Variants in KCNAB1 observed in about 807,000 individuals in gnomAD.
The protein encoded by KCNAB1 is voltage-gated potassium channel subunit beta-1.
Under a neutral mutation model 64.6 loss-of-function variants are expected in KCNAB1, and 35 were observed. That is an observed-to-expected ratio of 0.54 (90% CI 0.41 to 0.72). KCNAB1 has a LOEUF of 0.72. Ranked by LOEUF, KCNAB1 falls within the 30% of genes least tolerant of loss-of-function variation. KCNAB1 has a pLI of 0.00. For missense variants in KCNAB1, 401 were observed against 512.9 expected, an observed-to-expected ratio of 0.78 and a Z score of 2.11; for synonymous variants, 177 against 183.8, an observed-to-expected ratio of 0.96 and a Z score of 0.30.
At chr3:156,311,525 G>T (rs2108007254) in intron 1 of KCNAB1, among the ~76,000 whole-genome samples, 1 of 152,262 alleles carries the variant, frequency 6.6e-6, no homozygotes, top group African/African-American at 2.4e-5. Flanking sequence ...GTGGAGGGAG[G>T]ACTAGTCTGC....
At chr3:156,156,628 A>G (rs559177448) in intron 1 of KCNAB1, among the ~76,000 whole-genome samples, 31 of 152,352 alleles carry the variant, frequency 2.0e-4, no homozygotes, top group Non-Finnish European at 4.0e-4. Flanking sequence ...TAAGCTTCTC[A>G]GCTCAGGCAA....
Position 156,350,126 on chromosome 3 carries a change from C to T in KCNAB1, c.276-71490C>T, listed in dbSNP as rs75531357. Reference sequence around the variant, plus strand: ...TGCTGTTGTTACCTGTGTCCTTTATCATTGTATTCTGAAAATCCATAATGA... The same window carrying T: ...TGCTGTTGTTACCTGTGTCCTTTATTATTGTATTCTGAAAATCCATAATGA... On this transcript the variant is annotated intron_variant, in intron 1 of 13. Coordinates refer to ENST00000490337, the MANE Select transcript of KCNAB1 (RefSeq NM_172160.3). 8.5e-3 allele frequency among the ~76,000 whole-genome samples: 1,294 copies of T among 152,272 alleles called. 21 individuals are homozygous for T. Among genetic ancestry groups the T allele is most frequent in the African/African-American group, 0.03 (1,250 of 41,546 alleles).
intron 1 of KCNAB1, among the ~76,000 whole-genome samples, chr3:156,417,594 G>A (rs530642218): frequency 2.0e-5 from 3 of 152,190 alleles, no homozygotes; most frequent in East Asian, 3.9e-4. Context: ...ACAAATTTGG[G>A]TTACGAATTT....
At chr3:156,317,548 T>A (rs980711287) in intron 1 of KCNAB1, among the ~76,000 whole-genome samples, 1 of 152,088 alleles carries the variant, frequency 6.6e-6, no homozygotes, top group Non-Finnish European at 1.5e-5. Context: ...TGTTTTGTCT[T>A]CCTTCTTCCC....
chr3:156,278,448 T>C (rs1464634626), intron 1 of KCNAB1, among the ~76,000 whole-genome samples: 3 of 152,170 alleles, frequency 2.0e-5, no homozygotes, highest in Non-Finnish European at 4.4e-5. Context: ...AAGTCTATTT[T>C]TTCCCCCTTT....
intron 1 of KCNAB1, among the ~76,000 whole-genome samples, chr3:156,325,456 G>A (rs1358565441): frequency 6.6e-6 from 1 of 152,124 alleles, no homozygotes; most frequent in Admixed American, 6.6e-5. Flanking sequence ...GGAAGAGGAA[G>A]TGGATACTAT....
At chr3:156,518,070 G>A (rs1396177760) in intron 11 of KCNAB1, among the ~76,000 whole-genome samples, 1 of 152,148 alleles carries the variant, frequency 6.6e-6, no homozygotes, top group African/African-American at 2.4e-5. Context: ...CTTGCAAACA[G>A]CTGAAAAATC....
intron 1 of KCNAB1, among the ~76,000 whole-genome samples, chr3:156,278,310 G>A (rs1031713175): frequency 2.6e-5 from 4 of 152,122 alleles, no homozygotes; most frequent in African/African-American, 4.8e-5. Context: ...CCCATCATGC[G>A]AGGTTAGCTT....
intron 2 of KCNAB1, among the ~76,000 whole-genome samples, chr3:156,438,701 C>T (rs115139105): frequency 0.02 from 3,117 of 152,274 alleles, 109 homozygotes; most frequent in African/African-American, 0.071. Context: ...TAGACACTGA[C>T]ATATACTATT....
At chr3:156,514,316 T>C (rs1717415415) in intron 8 of KCNAB1, 48 bp from the exon 9 acceptor site, 12 of 1,480,336 alleles carry the variant, frequency 8.1e-6, no homozygotes, top group Non-Finnish European at 1.1e-5. Context: ...CGCATAACTT[T>C]GAAAAGTAGA....
At chr3:156,226,025 A>G (rs969663738) in intron 1 of KCNAB1, among the ~76,000 whole-genome samples, 1 of 152,162 alleles carries the variant, frequency 6.6e-6, no homozygotes, top group Non-Finnish European at 1.5e-5. Context: ...TGCAATTCCC[A>G]TCAAAACACC....
chr3:156,331,199 T>A (rs1723305411), intron 1 of KCNAB1, among the ~76,000 whole-genome samples: 1 of 152,228 alleles, frequency 6.6e-6, no homozygotes, highest in Non-Finnish European at 1.5e-5. Context: ...TTTAAAACTA[T>A]ACTAAGATCC....
At chr3:156,165,962 G>C (rs772189110) in intron 1 of KCNAB1, among the ~76,000 whole-genome samples, 7 of 152,178 alleles carry the variant, frequency 4.6e-5, no homozygotes, top group Non-Finnish European at 7.3e-5. Flanking sequence ...CTAAGGCTGT[G>C]CTCATGTGCA....
intron 8 of KCNAB1, among the ~76,000 whole-genome samples, chr3:156,507,125 G>T (rs1193135010): frequency 1.3e-5 from 2 of 152,196 alleles, no homozygotes; most frequent in African/African-American, 4.8e-5. Flanking sequence ...GAACTTCAAA[G>T]CTAGATGGGG....
rs373807403 is a variant in KCNAB1 at position 156,172,523 on chromosome 3, A to G, written c.275+51637A>G. On this transcript the variant is annotated intron_variant, in intron 1 of 13. Coordinates refer to ENST00000490337, the MANE Select transcript of KCNAB1 (RefSeq NM_172160.3). Reference sequence around the variant, plus strand: ...TCAAACTCCTGACCTTAAGCAATCCACCCTCCTCGGCCTTCCAAAATGCTG... The same window carrying G: ...TCAAACTCCTGACCTTAAGCAATCCGCCCTCCTCGGCCTTCCAAAATGCTG... 2.2e-3 allele frequency among the ~76,000 whole-genome samples: 338 copies of G among 151,644 alleles called. 2 individuals carry two copies. Among genetic ancestry groups the G allele is most frequent in the African/African-American group, 7.7e-3 (320 of 41,308 alleles).
At chr3:156,456,001 C>G (rs1712400135) in intron 3 of KCNAB1, 1 of 152,318 alleles carries the variant, frequency 6.6e-6, no homozygotes, top group Non-Finnish European at 1.5e-5. Context: ...TCAGCTTTGC[C>G]TGAGGCCTCT....
At chr3:156,451,935 C>A (rs1712038341) in intron 2 of KCNAB1, among the ~76,000 whole-genome samples, 1 of 152,192 alleles carries the variant, frequency 6.6e-6, no homozygotes, top group Non-Finnish European at 1.5e-5. Context: ...CTAAATAGAG[C>A]ACTCCCTTTT....
intron 13 of KCNAB1, 33 bp downstream of exon 13, chr3:156,531,530 A>G: frequency 6.8e-7 from 1 of 1,469,164 alleles, no homozygotes; most frequent in Non-Finnish European, 9.5e-7. Flanking sequence ...ACATCAGGGA[A>G]TTTAATGGTG....
chr3:156,249,110 GAATAT>G (rs1717651282), intron 1 of KCNAB1, among the ~76,000 whole-genome samples: 1 of 151,834 alleles, frequency 6.6e-6, no homozygotes, highest in Non-Finnish European at 1.5e-5. Context: ...CAGAATAAGA[GAATAT>G]AATATAATGT....
Sources: allele counts gnomAD v4.1 joint callset (sites outside exome capture counted in the v4.1 genomes callset), GRCh38; gene constraint gnomAD v4.1.1; transcripts MANE v1.5; gene names NCBI Gene and HGNC (gene_info 2026-07-23, HGNC 2026-07-21).